SPOCK1: variants seen among roughly 807,000 people sequenced by gnomAD.
The protein encoded by SPOCK1 is SPARC (osteonectin), cwcv and kazal like domains proteoglycan 1.
Under a neutral mutation model 55.3 loss-of-function variants are expected in SPOCK1, and 23 were observed. The ratio of observed to expected loss-of-function variants is 0.42; its 90% CI spans 0.30 to 0.59. The LOEUF (loss-of-function observed/expected upper bound fraction) is 0.59, where lower values mean the gene tolerates loss of function less well. SPOCK1 is among the 20% of genes least tolerant of loss of function. The pLI, the probability that SPOCK1 is intolerant of heterozygous loss-of-function variation, is 0.22. For synonymous variants in SPOCK1, 226 were observed against 221.0 expected (o/e 1.02, Z -0.20); for missense variants, 499 against 552.5 (o/e 0.90, Z 0.97).
rs1195979032 is a variant in SPOCK1, at chr5:136,979,434, A to G, written c.1027T>C (p.Tyr343His). ...FIPRCNEEGY[Y>H]KATQCHGSTG... is the part of the protein sequence containing the mutation. ...CTGCCGTGGCACTGTGTGGCTTTGT[A>G]ATAGCCCTCCTCATTACACCGAGGT... is the stretch of plus-strand genomic sequence containing the variant. Residue 343 changes from tyrosine to histidine, a missense_variant, in exon 10 of 11, where the codon TAC becomes CAC. This residue lies in a region of SPOCK1 where 30 missense variants were observed against 64.4 expected (regional missense o/e 0.47). Coordinates refer to ENST00000394945, the MANE Select transcript of SPOCK1 (RefSeq NM_004598.4). The G allele has an allele frequency of 1.2e-6, 2 of 1,613,950 alleles. No homozygotes were observed. The highest frequency in any genetic ancestry group is 2.7e-5 in the African/African-American group (2 of 74,924).
In SPOCK1 at chr5:137,131,989, A is replaced by AAAAAAAAATAT. The variant is rs1391176339; in HGVS notation, c.347+8590_347+8591insATATTTTTTTT. 1.1e-3 allele frequency among the ~76,000 whole-genome samples: 39 copies of AAAAAAAAATAT among 36,046 alleles called. 2 individuals carry two copies. Among genetic ancestry groups the AAAAAAAAATAT allele is most frequent in the African/African-American group, 1.3e-3 (7 of 5,412 alleles). The allele number at this position is 36,046 out of a possible 152,430, so 23.6% of individuals were successfully genotyped here. ...TCCGTCTCAAAAAAAAAAAAAAAAA[A>AAAAAAAAATAT]ATATATATATATATATATATATATA... On this transcript the variant is annotated intron_variant, in intron 4 of 10. Coordinates refer to ENST00000394945, the MANE Select transcript of SPOCK1 (RefSeq NM_004598.4).
chr5:137,001,361 A>G (rs2126968979), intron 6 of SPOCK1, among the ~76,000 whole-genome samples: 1 of 152,336 alleles, frequency 6.6e-6, no homozygotes, highest in African/African-American at 2.4e-5. Context: ...TTCACAGGAA[A>G]TGACCACAGG....
At chr5:137,038,933 CG>C (rs1561587522) in intron 6 of SPOCK1, among the ~76,000 whole-genome samples, 3 of 152,068 alleles carry the variant, frequency 2.0e-5, no homozygotes, top group South Asian at 4.1e-4. Flanking sequence ...GAAACAAAAA[CG>C]GTTCTCTGAC....
Position 137,160,637 on chromosome 5 carries a change from A to T in SPOCK1, c.233-19943T>A, listed in dbSNP as rs796127177. Among the ~76,000 whole-genome samples the T allele has an allele frequency of 5.8e-3, 419 of 72,792 alleles. 8 individuals are homozygous for T. Among genetic ancestry groups the T allele is most frequent in the African/African-American group, 0.021 (375 of 17,648 alleles). The allele number at this position is 72,792 out of a possible 152,430, so 47.8% of individuals were successfully genotyped here. A position where few individuals can be genotyped will look rare whatever the true frequency, so the allele number is the denominator to read the frequency against. On this transcript the variant is annotated intron_variant, in intron 3 of 10. Coordinates refer to ENST00000394945, the MANE Select transcript of SPOCK1 (RefSeq NM_004598.4). ...ATAATATATATTTTATATAATATATAATATATATTTTATATAATATACAAT... is the reference window on the plus strand; with the variant it reads ...ATAATATATATTTTATATAATATATTATATATATTTTATATAATATACAAT...
At chr5:137,446,234 C>A (rs1453897830) in intron 2 of SPOCK1, among the ~76,000 whole-genome samples, 2 of 152,162 alleles carry the variant, frequency 1.3e-5, no homozygotes, top group Non-Finnish European at 2.9e-5. Context: ...GAGACAGAAG[C>A]ACCCAAAGAC....
At chr5:137,000,490 A>G (rs1751128094) in intron 6 of SPOCK1, among the ~76,000 whole-genome samples, 1 of 152,122 alleles carries the variant, frequency 6.6e-6, no homozygotes, top group African/African-American at 2.4e-5. Flanking sequence ...ACAGCATGGT[A>G]GGCTCCTCCT....
Position 137,153,006 on chromosome 5 carries a change from G to A in SPOCK1, c.233-12312C>T, listed in dbSNP as rs982422296. On this transcript the variant is annotated intron_variant, in intron 3 of 10. Coordinates refer to ENST00000394945, the MANE Select transcript of SPOCK1 (RefSeq NM_004598.4). ...CTGCTAAATCCAGTTGAAGCTCCAA[G>A]AGACTAAAGACAGTGTCTATCCTCT... Among the ~76,000 whole-genome samples the A allele has an allele frequency of 4.6e-5, 7 of 152,294 alleles. No individual in the cohort carries two copies. In the South Asian group the frequency reaches 1.2e-3, roughly 27 times the overall value.
intron 6 of SPOCK1, among the ~76,000 whole-genome samples, chr5:137,066,754 C>A (rs1191331156): frequency 6.6e-6 from 1 of 152,216 alleles, no homozygotes; most frequent in South Asian, 2.1e-4. Flanking sequence ...TGGTTTACAA[C>A]GTCCTTCCAC....
At chr5:136,984,556 C>A (rs1473958086) in intron 9 of SPOCK1, among the ~76,000 whole-genome samples, 1 of 152,178 alleles carries the variant, frequency 6.6e-6, no homozygotes, top group Non-Finnish European at 1.5e-5. Context: ...CTAAAGGGGA[C>A]ACTTTGAGAG....
At chr5:137,479,333 C>T (rs1303270594) in intron 2 of SPOCK1, among the ~76,000 whole-genome samples, 1 of 152,198 alleles carries the variant, frequency 6.6e-6, no homozygotes, top group Admixed American at 6.6e-5. Flanking sequence ...GCATCATAAA[C>T]AGTAGCTCAG....
intron 4 of SPOCK1, among the ~76,000 whole-genome samples, chr5:137,132,177 A>G (rs1753899243): frequency 6.9e-6 from 1 of 144,460 alleles, no homozygotes; most frequent in Non-Finnish European, 1.5e-5. Flanking sequence ...TCTGTCTCAA[A>G]AAAAAAAAAA....
At chr5:137,097,132 T>C (rs979521775) in intron 5 of SPOCK1, among the ~76,000 whole-genome samples, 1 of 150,368 alleles carries the variant, frequency 6.7e-6, no homozygotes, top group East Asian at 2.0e-4. Flanking sequence ...TCACACCTAC[T>C]TACACACAGG....
intron 2 of SPOCK1, among the ~76,000 whole-genome samples, chr5:137,419,494 T>C (rs1752435221): frequency 6.6e-6 from 1 of 152,244 alleles, no homozygotes; most frequent in South Asian, 2.1e-4. Context: ...TGGTTTGTAG[T>C]TCTCCTTGAA....
At chr5:137,452,981 C>A (rs1055962752) in intron 2 of SPOCK1, among the ~76,000 whole-genome samples, 7 of 152,272 alleles carry the variant, frequency 4.6e-5, no homozygotes, top group African/African-American at 1.7e-4. Flanking sequence ...TCCAGGACAC[C>A]TTCAAGTCCA....
chr5:137,377,873 A>G (rs1350440473), intron 2 of SPOCK1, among the ~76,000 whole-genome samples: 8 of 152,130 alleles, frequency 5.3e-5, no homozygotes, highest in Admixed American at 3.3e-4. Flanking sequence ...AAGGTCTAAA[A>G]GAAATCAGGC....
intron 2 of SPOCK1, among the ~76,000 whole-genome samples, chr5:137,358,847 G>C (rs1299139610): frequency 2.7e-5 from 4 of 146,538 alleles, no homozygotes; most frequent in African/African-American, 1.0e-4. Context: ...ATGCCTCCTG[G>C]ACAAAATTTC....
intron 6 of SPOCK1, among the ~76,000 whole-genome samples, chr5:137,028,704 G>T (rs1751722712): frequency 1.3e-5 from 2 of 152,048 alleles, no homozygotes; most frequent in African/African-American, 4.8e-5. Context: ...AGAACCAATG[G>T]GCAAGTGAAC....
At chr5:136,984,907 G>T (rs1750809293) in intron 9 of SPOCK1, among the ~76,000 whole-genome samples, 1 of 152,164 alleles carries the variant, frequency 6.6e-6, no homozygotes, top group Non-Finnish European at 1.5e-5. Flanking sequence ...GAAGGTGCTG[G>T]ACTTCGGCCC....
rs1580772709 is a variant in SPOCK1 at position 137,140,838 on chromosome 5, A to C, written c.233-144T>G. On this transcript the variant is annotated intron_variant, in intron 3 of 10. Transcript: ENST00000394945. ...CGGTGGCGCGATCTCAGCTCACTGC[A>C]ACCTCCCCATCCTGGGTTCAAGTGA... The C allele has an allele frequency of 1.2e-5, 6 of 482,964 alleles. No individual in the cohort carries two copies. In the East Asian group the frequency reaches 1.7e-4, roughly 14 times the overall value. 29.9% of individuals were successfully genotyped at this position (482,964 alleles called of 1,614,324 possible). A position where few individuals can be genotyped will look rare whatever the true frequency, so the allele number is the denominator to read the frequency against.
Sources: allele counts gnomAD v4.1 joint callset (sites outside exome capture counted in the v4.1 genomes callset), GRCh38; gene constraint gnomAD v4.1.1; regional missense constraint gnomAD v4.1.1; transcripts MANE v1.5; gene names NCBI Gene and HGNC (gene_info 2026-07-23, HGNC 2026-07-21).